The following BFSP2 variants were observed in gnomAD, a reference collection of about 807,000 sequenced individuals.
The protein encoded by BFSP2 is beaded filament structural protein 2.
BFSP2 carries 38 observed loss-of-function variants against 44.9 expected under a neutral mutation model. The ratio of observed to expected loss-of-function variants is 0.85; its 90% CI spans 0.65 to 1.11. The LOEUF (loss-of-function observed/expected upper bound fraction) is 1.11, where lower values mean the gene tolerates loss of function less well. BFSP2 is among the 50% of genes least tolerant of loss of function. The pLI, the probability that BFSP2 is intolerant of heterozygous loss-of-function variation, is 0.00. For synonymous variants in BFSP2, 197 were observed against 209.9 expected, an observed-to-expected ratio of 0.94 and a Z score of 0.53; for missense variants, 525 against 533.0, an observed-to-expected ratio of 0.99 and a Z score of 0.15.
chr3:133,418,524 C>T (rs370596628), intron 1 of BFSP2, among the ~76,000 whole-genome samples: 88 of 152,246 alleles, frequency 5.8e-4, no homozygotes, highest in African/African-American at 1.8e-3. Flanking sequence ...TGGCAGCATC[C>T]AGCCCACCCA....
chr3:133,428,966 T>C (rs1019376376), intron 1 of BFSP2, among the ~76,000 whole-genome samples: 2 of 152,218 alleles, frequency 1.3e-5, no homozygotes, highest in African/African-American at 4.8e-5. Flanking sequence ...TATGAAATAT[T>C]TTTAACACAT....
rs1177673067 is a variant in BFSP2 at position 133,450,362 on chromosome 3, C to T, written c.789C>T (p.Pro263=). The part of the protein sequence containing the change: ...AGCELEQMDA[P]IGTGLDDILE... ...GTGAGCTGGAACAAATGGATGCTCCCATTGGCACTGGTCTGGACGACATCC... is the reference window on the plus strand; with the variant it reads ...GTGAGCTGGAACAAATGGATGCTCCTATTGGCACTGGTCTGGACGACATCC... Residue 263 remains proline, a synonymous_variant, in exon 4 of 7, where the codon CCC becomes CCT. Transcript: ENST00000302334. 3 of 1,614,190 alleles carry T rather than the reference C, an allele frequency of 1.9e-6. No individual in the cohort carries two copies. The highest frequency in any genetic ancestry group is 4.5e-5 in the East Asian group (2 of 44,876).
intron 1 of BFSP2, among the ~76,000 whole-genome samples, chr3:133,431,528 C>T (rs2073718263): frequency 6.6e-6 from 1 of 152,182 alleles, no homozygotes; most frequent in South Asian, 2.1e-4. Context: ...GGCAGCCACT[C>T]CCAGAGCCCC....
At chr3:133,430,637 C>T (rs956056526) in intron 1 of BFSP2, among the ~76,000 whole-genome samples, 1 of 152,158 alleles carries the variant, frequency 6.6e-6, no homozygotes, top group East Asian at 1.9e-4. Flanking sequence ...GTCTGAGGTG[C>T]CTGACGTCCA....
At chr3:133,471,403 G>A (rs1352463306) in intron 5 of BFSP2, among the ~76,000 whole-genome samples, 1 of 152,204 alleles carries the variant, frequency 6.6e-6, no homozygotes, top group African/African-American at 2.4e-5. Context: ...AGAGAAGGAA[G>A]GAAAGCAGGA....
intron 1 of BFSP2, among the ~76,000 whole-genome samples, chr3:133,420,941 C>T (rs1020759294): frequency 2.0e-5 from 3 of 152,324 alleles, no homozygotes; most frequent in African/African-American, 7.2e-5. Flanking sequence ...CCAGCTGACT[C>T]CTTCCCACAA....
chr3:133,462,281 C>A (rs1041482971), intron 4 of BFSP2, among the ~76,000 whole-genome samples: 7 of 152,328 alleles, frequency 4.6e-5, no homozygotes, highest in African/African-American at 1.7e-4. Context: ...ATAAAAATAG[C>A]ATGAATGAGT....
intron 1 of BFSP2, chr3:133,410,679 G>A (rs2073443745): frequency 3.8e-6 from 1 of 261,982 alleles, no homozygotes; most frequent in Admixed American, 4.1e-5. Flanking sequence ...TGTGCAGCCC[G>A]TGGGCGGACA....
Position 133,400,269 on chromosome 3 carries a change from C to T in BFSP2, c.186C>T (p.Pro62=). Residue 62 remains proline, a synonymous_variant, in exon 1 of 7, where the codon CCC becomes CCT. Coordinates refer to ENST00000302334, the MANE Select transcript of BFSP2 (RefSeq NM_003571.4). The surrounding 1 kb of genome is among the most constrained non-coding windows in gnomAD (Gnocchi z 4.0). ...RAPGVYVGTA[P]SGCIGGLGAR... The stretch of plus-strand genomic sequence containing the variant: ...CCGGGGTCTATGTAGGAACAGCACC[C>T]AGTGGGTGCATAGGTGGCTTGGGTG... 1 of 1,614,010 alleles carries T rather than the reference C, an allele frequency of 6.2e-7. No homozygotes were observed. Among genetic ancestry groups the T allele is most frequent in the Non-Finnish European group, 8.5e-7 (1 of 1,179,996 alleles).
At chr3:133,416,346 CCT>C (rs1483887640) in intron 1 of BFSP2, among the ~76,000 whole-genome samples, 14 of 146,372 alleles carry the variant, frequency 9.6e-5, no homozygotes, top group South Asian at 2.2e-4. Flanking sequence ...TCTCCTCACC[CCT>C]GTCCTGTCCC....
In BFSP2 at chr3:133,448,590, G is replaced by A; in HGVS notation, c.674G>A (p.Ser225Asn). Residue 225 changes from serine to asparagine, a missense_variant, in exon 3 of 7, where the codon AGT becomes AAT. By Grantham distance (46) the Ser-to-Asn change is conservative (BLOSUM62 1). Coordinates refer to ENST00000302334, the MANE Select transcript of BFSP2 (RefSeq NM_003571.4). ...AATTTGACTAAAATGGACCTGGAGA[G>A]TCAAATAGAAAGTCTGAAAGAAGAA... ...EANLTKMDLE[S>N]QIESLKEELG... 6.2e-7 allele frequency: 1 copy of A among 1,614,016 alleles called. No individual in the cohort carries two copies. The highest frequency in any genetic ancestry group is 8.5e-7 in the Non-Finnish European group (1 of 1,179,966).
At chr3:133,435,771 G>A (rs1329305452) in intron 1 of BFSP2, among the ~76,000 whole-genome samples, 4 of 152,114 alleles carry the variant, frequency 2.6e-5, no homozygotes, top group Admixed American at 6.5e-5. Flanking sequence ...TATGGCCTTC[G>A]TCTTCAACAT....
intron 1 of BFSP2, among the ~76,000 whole-genome samples, chr3:133,425,031 G>A (rs952257844): frequency 3.2e-4 from 48 of 152,364 alleles, no homozygotes; most frequent in Middle Eastern, 3.4e-3. Context: ...GCCTGTGGGT[G>A]TAACTACTGT....
At chr3:133,403,737 A>G (rs2073380964) in intron 1 of BFSP2, among the ~76,000 whole-genome samples, 3 of 151,708 alleles carry the variant, frequency 2.0e-5, no homozygotes, top group African/African-American at 7.3e-5. Context: ...TGCCATCACC[A>G]CCCCAGCTAG....
chr3:133,410,810 G>C (rs1033481965), intron 1 of BFSP2: 3 of 191,422 alleles, frequency 1.6e-5, no homozygotes. Flanking sequence ...ATCTCGCCAG[G>C]CTGAAAATAC....
At chr3:133,439,989 G>A (rs9808983) in intron 1 of BFSP2, among the ~76,000 whole-genome samples, 83,882 of 151,990 alleles carry the variant, frequency 0.55, 25,976 homozygotes, top group Non-Finnish European at 0.69. Flanking sequence ...TCCTACTGCT[G>A]TGAAGAAATA....
intron 4 of BFSP2, among the ~76,000 whole-genome samples, chr3:133,462,247 T>TAA (rs34221737): frequency 1.7e-4 from 26 of 152,158 alleles, no homozygotes; most frequent in South Asian, 6.2e-4. Flanking sequence ...CGTTTATTTG[T>TAA]AAAAAAAGAG....
chr3:133,427,642 T>C (rs1245288691), intron 1 of BFSP2, among the ~76,000 whole-genome samples: 2 of 152,202 alleles, frequency 1.3e-5, no homozygotes, highest in East Asian at 1.9e-4. Flanking sequence ...GATTCTTTCA[T>C]GATTCTTCCA....
intron 4 of BFSP2, among the ~76,000 whole-genome samples, chr3:133,461,936 G>A (rs1034952133): frequency 3.5e-4 from 54 of 152,180 alleles, no homozygotes; most frequent in African/African-American, 1.2e-3. Flanking sequence ...GGCAGTCAAT[G>A]GTAGCTGGAA....
Sources: gnomAD v4.1 joint callset for allele counts (sites outside exome capture counted in the v4.1 genomes callset) on GRCh38, gnomAD v4.1.1 for gene constraint, Gnocchi (gnomAD v3.1) non-coding constraint, MANE v1.5 for transcripts, NCBI Gene and HGNC (gene_info 2026-07-23, HGNC 2026-07-21) for gene names.